Variants in CHSY3 observed in about 807,000 individuals in gnomAD.
CHSY3 encodes chondroitin sulfate synthase 3.
CHSY3 carries 35 observed loss-of-function variants against 67.2 expected under a neutral mutation model. That is an observed-to-expected ratio of 0.52 (90% CI 0.40 to 0.69). The LOEUF is 0.69. CHSY3 is among the 30% of genes least tolerant of loss of function. CHSY3 has a pLI of 0.00. For synonymous variants in CHSY3, 474 were observed against 434.7 expected (o/e 1.09, Z -1.12); for missense variants, 1,069 against 1,138.5 (o/e 0.94, Z 0.88).
intron 2 of CHSY3, among the ~76,000 whole-genome samples, chr5:130,049,748 C>T (rs574602414): frequency 2.0e-5 from 3 of 146,796 alleles, no homozygotes; most frequent in South Asian, 4.4e-4. Context: ...AATTATAAAA[C>T]GTTCCCTATA....
At chr5:130,119,346 G>T (rs890116049) in intron 2 of CHSY3, among the ~76,000 whole-genome samples, 1 of 152,150 alleles carries the variant, frequency 6.6e-6, no homozygotes, top group African/African-American at 2.4e-5. Context: ...CTACAAACAT[G>T]AAATTTTGTA....
At chr5:130,167,821 A>G (rs1253719088) in intron 2 of CHSY3, among the ~76,000 whole-genome samples, 2 of 152,124 alleles carry the variant, frequency 1.3e-5, no homozygotes, top group African/African-American at 4.8e-5. Flanking sequence ...AATAATAGCA[A>G]CACCTATTGA....
At chr5:130,107,972 G>A (rs114263221) in intron 2 of CHSY3, among the ~76,000 whole-genome samples, 2,248 of 151,650 alleles carry the variant, frequency 0.015, 64 homozygotes, top group African/African-American at 0.051. Context: ...ATGTTACAAC[G>A]AAAAACATTT....
At chr5:130,111,193 C>T (rs1021354158) in intron 2 of CHSY3, among the ~76,000 whole-genome samples, 8 of 152,096 alleles carry the variant, frequency 5.3e-5, no homozygotes, top group East Asian at 1.9e-4. Context: ...TACAAATCCC[C>T]GTAGTCATGG....
At chr5:129,907,778 A>G (rs981004986) in intron 1 of CHSY3, among the ~76,000 whole-genome samples, 1 of 152,170 alleles carries the variant, frequency 6.6e-6, no homozygotes, top group South Asian at 2.1e-4. Flanking sequence ...GTACTAAGAA[A>G]CCTGTCTTTA....
intron 2 of CHSY3, among the ~76,000 whole-genome samples, chr5:130,091,405 C>T (rs1315472621): frequency 6.6e-6 from 1 of 152,134 alleles, no homozygotes; most frequent in Non-Finnish European, 1.5e-5. Context: ...AAAGAGAATT[C>T]ATCTTGACAT....
chr5:129,993,198 A>T (rs1052687347), intron 2 of CHSY3, among the ~76,000 whole-genome samples: 4 of 152,164 alleles, frequency 2.6e-5, no homozygotes, highest in Non-Finnish European at 4.4e-5. Context: ...CCAAGATTCT[A>T]GTTCTCGTCA....
chr5:130,144,417 T>TA (rs1464395769), intron 2 of CHSY3, among the ~76,000 whole-genome samples: 1 of 152,002 alleles, frequency 6.6e-6, no homozygotes, highest in African/African-American at 2.4e-5. Context: ...AATAGCTGCA[T>TA]AAAAGTAAGG....
At chr5:130,000,643 C>T (rs540412290) in intron 2 of CHSY3, among the ~76,000 whole-genome samples, 1 of 149,286 alleles carries the variant, frequency 6.7e-6, no homozygotes, top group African/African-American at 2.5e-5. Context: ...CACAATCATG[C>T]TTCACTGCAT....
At chr5:129,983,859 G>A (rs1237067118) in intron 2 of CHSY3, among the ~76,000 whole-genome samples, 1 of 152,046 alleles carries the variant, frequency 6.6e-6, no homozygotes, top group Non-Finnish European at 1.5e-5. Context: ...AATTATATCT[G>A]AATTATCATG....
chr5:129,966,240 A>C (rs1762464789), intron 2 of CHSY3, among the ~76,000 whole-genome samples: 1 of 151,916 alleles, frequency 6.6e-6, no homozygotes, highest in African/African-American at 2.4e-5. Flanking sequence ...AAATACATTC[A>C]TCTTTGGCAA....
intron 2 of CHSY3, among the ~76,000 whole-genome samples, chr5:130,053,031 G>C (rs1765412842): frequency 6.6e-6 from 1 of 152,150 alleles, no homozygotes; most frequent in South Asian, 2.1e-4. Context: ...TGAGTCAGTT[G>C]TATAATTACA....
In CHSY3 at chr5:130,184,790, G is replaced by A. The variant is rs1770363167; in HGVS notation, c.1648G>A (p.Gly550Arg). The part of the protein sequence containing the change: ...DLLLLYKRHK[G>R]RKLTVPVRRH... ...ACTCCTTTTATACAAAAGACACAAGGGAAGGAAACTGACTGTGCCAGTGAG... is the reference window on the plus strand; with the variant it reads ...ACTCCTTTTATACAAAAGACACAAGAGAAGGAAACTGACTGTGCCAGTGAG... Residue 550 changes from glycine (G) to arginine (R), a missense_variant, in exon 3 of 3, where the codon GGA becomes AGA. Around this residue, in one of 5 missense-constraint regions of CHSY3, gnomAD observed 401 missense variants for 395.2 expected, o/e 1.01. Coordinates refer to ENST00000305031, the MANE Select transcript of CHSY3 (RefSeq NM_175856.5). 4 of 1,607,844 alleles carry A rather than the reference G, an allele frequency of 2.5e-6. No homozygotes were observed. The highest frequency in any genetic ancestry group is 3.3e-5 in the Admixed American group (2 of 59,978).
At chr5:130,006,163 G>T (rs73785847) in intron 2 of CHSY3, among the ~76,000 whole-genome samples, 3,883 of 152,222 alleles carry the variant, frequency 0.026, 171 homozygotes, top group African/African-American at 0.088. Flanking sequence ...GATTATACTT[G>T]CATAGAACCT....
At chr5:130,015,399 A>G (rs893044706) in intron 2 of CHSY3, among the ~76,000 whole-genome samples, 3 of 152,214 alleles carry the variant, frequency 2.0e-5, no homozygotes, top group Non-Finnish European at 4.4e-5. Flanking sequence ...ACAAGCTAAA[A>G]AAAACCTCAT....
At chr5:129,990,772 C>A (rs777427994) in intron 2 of CHSY3, among the ~76,000 whole-genome samples, 12 of 151,992 alleles carry the variant, frequency 7.9e-5, no homozygotes, top group Non-Finnish European at 1.6e-4. Context: ...AGGTTAGAAT[C>A]TGAGAGTGAC....
At chr5:130,117,625 T>A (rs1580749174) in intron 2 of CHSY3, among the ~76,000 whole-genome samples, 1 of 152,210 alleles carries the variant, frequency 6.6e-6, no homozygotes, top group Admixed American at 6.5e-5. Flanking sequence ...CCTTCATATT[T>A]TCAGTGTGAC....
chr5:129,979,876 C>A (rs1036043884), intron 2 of CHSY3, among the ~76,000 whole-genome samples: 1 of 152,120 alleles, frequency 6.6e-6, no homozygotes, highest in Non-Finnish European at 1.5e-5. Flanking sequence ...TGGTTTTATT[C>A]ACTTAATAAT....
intron 2 of CHSY3, among the ~76,000 whole-genome samples, chr5:129,941,350 T>G (rs1381839307): frequency 6.6e-6 from 1 of 152,188 alleles, no homozygotes; most frequent in Non-Finnish European, 1.5e-5. Flanking sequence ...TTTACGTAAA[T>G]CAATATCAAA....
Sources: allele counts gnomAD v4.1 joint callset (sites outside exome capture counted in the v4.1 genomes callset), GRCh38; gene constraint gnomAD v4.1.1; regional missense constraint gnomAD v4.1.1; transcripts MANE v1.5; gene names NCBI Gene and HGNC (gene_info 2026-07-23, HGNC 2026-07-21).